TASP1: variants seen among roughly 807,000 people sequenced by gnomAD.
TASP1 encodes taspase 1.
In TASP1, 16 loss-of-function variants were observed where a neutral mutation model predicts 56.6. The observed-to-expected ratio is 0.28, with a 90% CI of 0.19 to 0.43. The LOEUF is 0.43. Among genes scored for constraint, TASP1 ranks in the 20% least tolerant of loss-of-function variants. The pLI is 1.00. For missense variants in TASP1, 393 were observed against 511.6 expected (o/e 0.77, Z 2.24); for synonymous variants, 179 against 184.2 (o/e 0.97, Z 0.23).
chr20:13,578,360 A>G (rs2047003761), intron 6 of TASP1, among the ~76,000 whole-genome samples: 1 of 152,170 alleles, frequency 6.6e-6, no homozygotes, highest in Admixed American at 6.5e-5. Flanking sequence ...GATATTTTAT[A>G]GTTCATAAAT....
intron 11 of TASP1, among the ~76,000 whole-genome samples, chr20:13,477,496 G>C (rs565000477): frequency 1.3e-5 from 2 of 151,958 alleles, no homozygotes; most frequent in African/African-American, 4.8e-5. Context: ...GATATTAGTC[G>C]TTAAGTACTG....
the TASP1 span, among the ~76,000 whole-genome samples, chr20:13,190,146 C>T: frequency 6.6e-6 from 1 of 151,978 alleles, no homozygotes; most frequent in Non-Finnish European, 1.5e-5. Flanking sequence ...AGTGGGGACT[C>T]CAAAAGAGGG....
At chr20:13,578,295 T>C (rs1402687341) in intron 6 of TASP1, among the ~76,000 whole-genome samples, 1 of 152,126 alleles carries the variant, frequency 6.6e-6, no homozygotes. Flanking sequence ...TTCCCATAAA[T>C]TGCCTATTTG....
At chr20:13,504,392 A>C (rs1295906997) in intron 10 of TASP1, among the ~76,000 whole-genome samples, 1 of 152,176 alleles carries the variant, frequency 6.6e-6, no homozygotes, top group African/African-American at 2.4e-5. Flanking sequence ...AAAAGGAAAA[A>C]TAAAGGTTTT....
intron 2 of TASP1, 107 bp downstream of exon 2, chr20:13,629,827 G>A (rs181676007): frequency 3.0e-4 from 449 of 1,516,118 alleles, no homozygotes; most frequent in Non-Finnish European, 2.5e-4. Context: ...ATTCCTCTCT[G>A]GCAGTTTTGC....
At chr20:13,220,255 G>T in the TASP1 span, among the ~76,000 whole-genome samples, 1 of 152,216 alleles carries the variant, frequency 6.6e-6, no homozygotes, top group Non-Finnish European at 1.5e-5. Context: ...TAAGGCGGGA[G>T]CCCGAGCAAG....
rs2041219757 is a variant in TASP1 at position 13,390,172 on chromosome 20, C to T, written c.*188G>A. On this transcript the variant is annotated 3_prime_UTR_variant, in exon 14 of 14. Transcript: ENST00000337743. ...TACGCGCACACACTCACACACAGTCCCGCTCACCCACCAAAGGCCCGCGTG... is the reference window on the plus strand; with the variant it reads ...TACGCGCACACACTCACACACAGTCTCGCTCACCCACCAAAGGCCCGCGTG... 7.1e-6 allele frequency: 4 copies of T among 563,348 alleles called. No homozygotes were observed. The highest frequency in any genetic ancestry group is 6.4e-6 in the Non-Finnish European group (2 of 311,412). The allele number at this position is 563,348 out of a possible 1,614,324, so 34.9% of individuals were successfully genotyped here.
the TASP1 span, chr20:13,279,623 G>A: frequency 3.7e-6 from 6 of 1,608,780 alleles, no homozygotes; most frequent in Non-Finnish European, 5.1e-6. Flanking sequence ...AGCCTGTTCT[G>A]AATTCTTCAG....
At chr20:13,435,019 C>A in intron 12 of TASP1, 25 bp downstream of exon 12, 1 of 1,487,920 alleles carries the variant, frequency 6.7e-7, no homozygotes, top group East Asian at 2.3e-5. Flanking sequence ...TAGAAAGACA[C>A]ACACAATGTA....
the TASP1 span, chr20:13,244,297 G>A: frequency 6.8e-6 from 1 of 146,432 alleles, no homozygotes; most frequent in Admixed American, 6.8e-5. Flanking sequence ...TGGGCAGAGG[G>A]GACTCTCTCG....
the TASP1 span, among the ~76,000 whole-genome samples, chr20:13,225,028 T>G: frequency 1.4e-5 from 2 of 147,308 alleles, no homozygotes; most frequent in Non-Finnish European, 1.5e-5. Flanking sequence ...TTTTTTTTTG[T>G]ATTTTTAGTA....
chr20:13,573,526 T>C (rs533777890), intron 6 of TASP1, among the ~76,000 whole-genome samples: 225 of 152,326 alleles, frequency 1.5e-3, no homozygotes, highest in African/African-American at 5.2e-3. Context: ...GTAATATAGT[T>C]TTAAAAAATT....
intron 11 of TASP1, among the ~76,000 whole-genome samples, chr20:13,454,075 A>C (rs1300764928): frequency 6.6e-5 from 10 of 151,216 alleles, no homozygotes; most frequent in Non-Finnish European, 1.2e-4. Flanking sequence ...AAAAAAAAAA[A>C]CAAGGAGGCC....
downstream of TASP1, among the ~76,000 whole-genome samples, chr20:13,384,424 C>T (rs1024052666): frequency 3.9e-5 from 6 of 152,106 alleles, no homozygotes; most frequent in Admixed American, 6.5e-5. Context: ...CTGAGTGTGC[C>T]GCCTTGGAGG....
chr20:13,459,506 C>T (rs900207135), intron 11 of TASP1, among the ~76,000 whole-genome samples: 6 of 152,296 alleles, frequency 3.9e-5, no homozygotes, highest in African/African-American at 7.2e-5. Flanking sequence ...TGCCTGCACC[C>T]ATAAACCAAA....
chr20:13,322,586 T>C, the TASP1 span, among the ~76,000 whole-genome samples: 3 of 152,250 alleles, frequency 2.0e-5, no homozygotes, highest in African/African-American at 7.2e-5. Flanking sequence ...CGTGCTCTAT[T>C]TTCTCAGGAT....
chr20:13,220,882 C>G, the TASP1 span, among the ~76,000 whole-genome samples: 1 of 152,206 alleles, frequency 6.6e-6, no homozygotes. Context: ...AGCCCAGGCA[C>G]CACCCCACCC....
the TASP1 span, among the ~76,000 whole-genome samples, chr20:13,217,634 T>C: frequency 6.6e-6 from 1 of 152,190 alleles, no homozygotes; most frequent in Non-Finnish European, 1.5e-5. Context: ...AAAGTTAATG[T>C]CAGACACCTA....
chr20:13,521,838 G>A (rs1318095678), intron 10 of TASP1, among the ~76,000 whole-genome samples: 1 of 151,932 alleles, frequency 6.6e-6, no homozygotes, highest in African/African-American at 2.4e-5. Flanking sequence ...ATTGTGTAAA[G>A]ATATAAAATA....
Sources: allele counts gnomAD v4.1 joint callset (sites outside exome capture counted in the v4.1 genomes callset), GRCh38; gene constraint gnomAD v4.1.1; transcripts MANE v1.5; gene names NCBI Gene and HGNC (gene_info 2026-07-23, HGNC 2026-07-21).